The following PPARG variants were observed in gnomAD, a reference collection of about 807,000 sequenced individuals.
PPARG encodes the protein peroxisome proliferator-activated receptor gamma.
In PPARG, 17 loss-of-function variants were observed where a neutral mutation model predicts 39.2. The observed-to-expected ratio is 0.43, with a 90% CI of 0.30 to 0.65. The LOEUF is 0.65. Among genes scored for constraint, PPARG ranks in the 30% least tolerant of loss-of-function variants. The pLI, the probability that PPARG is intolerant of heterozygous loss-of-function variation, is 0.13. For synonymous variants in PPARG, 223 were observed against 215.7 expected (o/e 1.03, Z -0.30); for missense variants, 406 against 585.9 (o/e 0.69, Z 3.17).
chr3:12,391,193 G>T (rs1230022343), intron 4 of PPARG, among the ~76,000 whole-genome samples: 3 of 152,194 alleles, frequency 2.0e-5, no homozygotes, highest in South Asian at 2.1e-4. Flanking sequence ...TCCATCCAGG[G>T]GTATAAGAGA....
intron 2 of PPARG, among the ~76,000 whole-genome samples, chr3:12,347,072 A>G (rs1458832341): frequency 6.6e-6 from 1 of 152,172 alleles, no homozygotes; most frequent in Non-Finnish European, 1.5e-5. Flanking sequence ...AAAAAATGAT[A>G]CACGAGAGAC....
chr3:12,299,512 A>T (rs966405605), intron 1 of PPARG, among the ~76,000 whole-genome samples: 1 of 152,178 alleles, frequency 6.6e-6, no homozygotes, highest in Admixed American at 6.5e-5. Flanking sequence ...TATGCATAAT[A>T]TATTTATAAT....
chr3:12,356,925 C>T (rs973416865), intron 2 of PPARG, among the ~76,000 whole-genome samples: 2 of 152,134 alleles, frequency 1.3e-5, no homozygotes, highest in Non-Finnish European at 2.9e-5. Flanking sequence ...TCAAGGTCAG[C>T]TTCAAGTAAC....
intron 5 of PPARG, among the ~76,000 whole-genome samples, chr3:12,402,158 C>T (rs1875796): frequency 0.4 from 61,024 of 152,000 alleles, 13,681 homozygotes; most frequent in South Asian, 0.67. Flanking sequence ...CCATGCCTGG[C>T]GCACAATAGT....
At chr3:12,422,345 A>G (rs539781230) in intron 7 of PPARG, among the ~76,000 whole-genome samples, 3 of 152,306 alleles carry the variant, frequency 2.0e-5, no homozygotes, top group African/African-American at 7.2e-5. Context: ...CATTTTATAG[A>G]TGGAGAAAAT....
chr3:12,371,754 A>G (rs2049222451), intron 2 of PPARG: 1 of 536,396 alleles, frequency 1.9e-6, no homozygotes, highest in South Asian at 1.6e-5. Context: ...GTCAGCCTCT[A>G]GCTCACCAGG....
At chr3:12,301,853 T>C (rs2046935319) in intron 1 of PPARG, 1 of 152,204 alleles carries the variant, frequency 6.6e-6, no homozygotes, top group African/African-American at 2.4e-5. Context: ...GAAACAGGTT[T>C]GAGGCTTTCT....
chr3:12,365,072 T>C (rs1437016320), intron 2 of PPARG, among the ~76,000 whole-genome samples: 1 of 152,150 alleles, frequency 6.6e-6, no homozygotes, highest in South Asian at 2.1e-4. Context: ...AGGTATTAGA[T>C]TCTCATACGG....
chr3:12,351,947 A>G (rs1288472702), intron 2 of PPARG, among the ~76,000 whole-genome samples: 1 of 152,176 alleles, frequency 6.6e-6, no homozygotes, highest in East Asian at 1.9e-4. Context: ...TCCAAAAACA[A>G]TCCTGTTCAT....
intron 1 of PPARG, among the ~76,000 whole-genome samples, chr3:12,312,047 T>A (rs991044781): frequency 6.6e-6 from 1 of 152,234 alleles, no homozygotes. Flanking sequence ...GTCATTCATG[T>A]GACATAAAAG....
intron 2 of PPARG, among the ~76,000 whole-genome samples, chr3:12,332,916 C>A (rs2047902511): frequency 6.6e-6 from 1 of 152,086 alleles, no homozygotes; most frequent in Non-Finnish European, 1.5e-5. Context: ...TACTTGTAGT[C>A]CCAGCTACTT....
At chr3:12,301,159 A>G (rs1342302795) in intron 1 of PPARG, among the ~76,000 whole-genome samples, 2 of 152,224 alleles carry the variant, frequency 1.3e-5, no homozygotes, top group South Asian at 4.1e-4. Flanking sequence ...TCAACATTCT[A>G]TGTTGGACCT....
At chr3:12,429,264 C>T (rs1210470721) in intron 7 of PPARG, among the ~76,000 whole-genome samples, 13 of 152,166 alleles carry the variant, frequency 8.5e-5, no homozygotes, top group Admixed American at 8.5e-4. Flanking sequence ...GATCCCTCTC[C>T]ACTCCTAGAG....
intron 1 of PPARG, among the ~76,000 whole-genome samples, chr3:12,311,160 G>A (rs1226701920): frequency 1.3e-5 from 2 of 152,146 alleles, no homozygotes; most frequent in Non-Finnish European, 2.9e-5. Context: ...CTGGAGTGCA[G>A]TGGTGTGATC....
chr3:12,388,057 T>A (rs1258727229), intron 4 of PPARG, among the ~76,000 whole-genome samples: 1 of 152,072 alleles, frequency 6.6e-6, no homozygotes, highest in African/African-American at 2.4e-5. Context: ...AAAAGAGAAG[T>A]CAAGGAATAT....
intron 2 of PPARG, among the ~76,000 whole-genome samples, chr3:12,356,140 A>G (rs987180164): frequency 6.6e-6 from 1 of 152,216 alleles, no homozygotes; most frequent in Non-Finnish European, 1.5e-5. Flanking sequence ...TCCATCTACT[A>G]GTGCTGAATA....
At chr3:12,408,567 C>CTTTTTTTTTTTTTTT (rs397945616) in intron 6 of PPARG, among the ~76,000 whole-genome samples, 31 of 113,224 alleles carry the variant, frequency 2.7e-4, no homozygotes, top group East Asian at 7.2e-4. Context: ...CTTTTCTTTT[C>CTTTTTTTTTTTTTTT]TTTTTTTTTT....
chr3:12,289,647 T>A (rs2046599513), intron 1 of PPARG, among the ~76,000 whole-genome samples: 1 of 152,228 alleles, frequency 6.6e-6, no homozygotes, highest in African/African-American at 2.4e-5. Flanking sequence ...TGTCTATTGC[T>A]AAGTGATCGA....
In PPARG at chr3:12,379,832, T is replaced by C; in HGVS notation, c.121T>C (p.Ser41Pro). 6.2e-7 allele frequency: 1 copy of C among 1,613,988 alleles called. No individual in the cohort carries two copies. Among genetic ancestry groups the C allele is most frequent in the Non-Finnish European group, 8.5e-7 (1 of 1,179,886 alleles). The change falls in exon 3 of 8, where the codon TCC (serine) becomes CCC (proline). Residue 41 changes from serine (S) to proline (P), a missense_variant. Ser to Pro is a moderately conservative substitution (Grantham distance 74). Coordinates refer to ENST00000651735, the MANE Select transcript of PPARG (RefSeq NM_138711.6). Reference protein sequence around the residue: ...DIKPFTTVDFSSISTPHYEDI... With the variant: ...DIKPFTTVDFPSISTPHYEDI... The stretch of plus-strand genomic sequence containing the variant: ...CAAGCCCTTCACTACTGTTGACTTC[T>C]CCAGCATTTCTACTCCACATTACGA...
Sources: gnomAD v4.1 joint callset for allele counts (sites outside exome capture counted in the v4.1 genomes callset) on GRCh38, gnomAD v4.1.1 for gene constraint, MANE v1.5 for transcripts, NCBI Gene and HGNC (gene_info 2026-07-23, HGNC 2026-07-21) for gene names.